Variants in AK4 observed in about 807,000 individuals in gnomAD.
AK4 encodes adenylate kinase 4.
A neutral mutation model predicts 24.6 loss-of-function variants in AK4; 13 were observed. The observed-to-expected ratio is 0.53, with a 90% CI of 0.34 to 0.84. The LOEUF (loss-of-function observed/expected upper bound fraction) is 0.84. AK4 is among the 40% of genes least tolerant of loss of function. The probability of loss-of-function intolerance (pLI) is 0.01; values close to 1 mark genes in which losing one functional copy is unlikely to be tolerated. For synonymous variants in AK4, 88 were observed against 107.0 expected, an observed-to-expected ratio of 0.82 and a Z score of 1.10; for missense variants, 192 against 288.2, an observed-to-expected ratio of 0.67 and a Z score of 2.42.
At chr1:65,198,060 A>G (rs764083012) in intron 2 of AK4, among the ~76,000 whole-genome samples, 3 of 152,128 alleles carry the variant, frequency 2.0e-5, no homozygotes, top group Non-Finnish European at 2.9e-5. Flanking sequence ...TCCTGTGTGT[A>G]TGTGTTTATG....
intron 1 of AK4, among the ~76,000 whole-genome samples, chr1:65,158,456 G>C (rs999562049): frequency 6.6e-6 from 1 of 152,152 alleles, no homozygotes; most frequent in Non-Finnish European, 1.5e-5. Context: ...TTTCACAATG[G>C]ACAATGAATC....
At chr1:65,161,676 T>G (rs1650169562) in intron 1 of AK4, among the ~76,000 whole-genome samples, 1 of 152,226 alleles carries the variant, frequency 6.6e-6, no homozygotes, top group African/African-American at 2.4e-5. Flanking sequence ...ATTTCAGTTA[T>G]TGTCTGTTGC....
At chr1:65,224,635 C>G in intron 3 of AK4, 117 bp from the exon 4 acceptor site, 1 of 742,264 alleles carries the variant, frequency 1.3e-6, no homozygotes, top group Non-Finnish European at 2.4e-6. Context: ...TCACCAAGGC[C>G]TAATTCATCA....
chr1:65,198,450 G>C (rs967067771), intron 2 of AK4, among the ~76,000 whole-genome samples: 6 of 152,180 alleles, frequency 3.9e-5, no homozygotes, highest in African/African-American at 1.4e-4. Flanking sequence ...TAAAGTGCAA[G>C]TATGACTAAC....
chr1:65,192,388 C>T (rs974702063), intron 2 of AK4, among the ~76,000 whole-genome samples: 2 of 152,188 alleles, frequency 1.3e-5, no homozygotes, highest in Non-Finnish European at 2.9e-5. Flanking sequence ...TTAACTCATT[C>T]ATGAGGGCAG....
intron 2 of AK4, among the ~76,000 whole-genome samples, chr1:65,206,195 A>G (rs2101064452): frequency 6.6e-6 from 1 of 152,308 alleles, no homozygotes; most frequent in African/African-American, 2.4e-5. Flanking sequence ...AGCACAGGTT[A>G]TATCCATTTT....
chr1:65,183,691 GTGTA>G lies in AK4; in HGVS notation c.146-7011_146-7008del, dbSNP rs1312332979. Among the ~76,000 whole-genome samples, 89 of 134,152 alleles carry G rather than the reference GTGTA, an allele frequency of 6.6e-4. No individual in the cohort carries two copies. The South Asian group carries it at 9.2e-3, about 14-fold the overall frequency. 88.0% of individuals were successfully genotyped at this position (134,152 alleles called of 152,430 possible). On this transcript the variant is annotated intron_variant, in intron 1 of 4. Transcript: ENST00000327299. ...TGTGTGTGTGTGTGTGTGTGTGTGTGTGTATGTATGTGTCTGTGTTCTCATGGTT... is the reference window on the plus strand; with the variant it reads ...TGTGTGTGTGTGTGTGTGTGTGTGTGTGTATGTGTCTGTGTTCTCATGGTT...
chr1:65,148,858 C>T (rs947883657), intron 1 of AK4: 5 of 263,354 alleles, frequency 1.9e-5, no homozygotes, highest in Non-Finnish European at 3.5e-5. Flanking sequence ...AAACCCGGAG[C>T]TTCCGTCTCA....
chr1:65,222,326 C>T lies in AK4; in HGVS notation c.439-2426C>T, dbSNP rs370525091. On this transcript the variant is annotated intron_variant, in intron 3 of 4. Transcript: ENST00000327299. ...TGCCAGCATTCCCCCGTGCAAGCTC[C>T]CAGCTTGCTTGTCTATGTCTGCAGC... Among the ~76,000 whole-genome samples, 103 of 152,298 alleles carry T rather than the reference C, an allele frequency of 6.8e-4. 3 individuals are homozygous for T. In the South Asian group the frequency reaches 0.021, roughly 31 times the overall value.
chr1:65,213,807 C>T (rs1018650879), intron 2 of AK4, among the ~76,000 whole-genome samples: 1 of 152,066 alleles, frequency 6.6e-6, no homozygotes, highest in African/African-American at 2.4e-5. Flanking sequence ...CAGATTGTGA[C>T]TATATTTAGA....
rs575307441 is a variant in AK4 at position 65,228,814 on chromosome 1, G to T, written c.*2637G>T. 2 of 151,270 alleles carry T rather than the reference G, an allele frequency of 1.3e-5. No individual in the cohort carries two copies. Among genetic ancestry groups the T allele is most frequent in the African/African-American group, 4.9e-5 (2 of 41,122 alleles). 9.4% of individuals were successfully genotyped at this position (151,270 alleles called of 1,614,324 possible). A position where few individuals can be genotyped will look rare whatever the true frequency, so the allele number is the denominator to read the frequency against. ...GTTTCTAAGATGCCAACCTGACCTC[G>T]CATTCTGTCATTCTACCCAGCTCTT... On this transcript the variant is annotated 3_prime_UTR_variant, in exon 5 of 5. Transcript: ENST00000327299.
At chr1:65,209,407 A>T (rs745306684) in intron 2 of AK4, among the ~76,000 whole-genome samples, 32 of 152,216 alleles carry the variant, frequency 2.1e-4, no homozygotes, top group Non-Finnish European at 3.7e-4. Flanking sequence ...GTAAATGTAA[A>T]AGCATACTTC....
At chr1:65,180,903 C>T (rs1650883220) in intron 1 of AK4, among the ~76,000 whole-genome samples, 1 of 152,142 alleles carries the variant, frequency 6.6e-6, no homozygotes, top group Non-Finnish European at 1.5e-5. Flanking sequence ...AGTTCTGTCC[C>T]ATACATGCAG....
intron 2 of AK4, among the ~76,000 whole-genome samples, chr1:65,197,269 G>T (rs182105744): frequency 6.6e-6 from 1 of 152,210 alleles, no homozygotes; most frequent in East Asian, 1.9e-4. Context: ...TAATCTAGAA[G>T]TTCCCCAAAT....
intron 2 of AK4, among the ~76,000 whole-genome samples, chr1:65,204,010 A>G (rs545058726): frequency 1.3e-5 from 2 of 152,146 alleles, no homozygotes; most frequent in South Asian, 2.1e-4. Context: ...CATGATCACT[A>G]TAAAACATCC....
At chr1:65,215,462 A>G (rs1652103527) in intron 2 of AK4, among the ~76,000 whole-genome samples, 1 of 152,152 alleles carries the variant, frequency 6.6e-6, no homozygotes, top group African/African-American at 2.4e-5. Context: ...GTGAGCCACC[A>G]TGTCCGACCC....
chr1:65,216,057 G>A (rs1040944648), intron 2 of AK4, among the ~76,000 whole-genome samples: 1 of 151,952 alleles, frequency 6.6e-6, no homozygotes, highest in African/African-American at 2.4e-5. Context: ...TCAGTGAGAA[G>A]GTTGAATTTA....
chr1:65,154,911 C>T lies in AK4; in HGVS notation c.145+6359C>T, dbSNP rs187208661. 8.0e-5 allele frequency among the ~76,000 whole-genome samples: 12 copies of T among 150,684 alleles called. 1 individual carries two copies. Among genetic ancestry groups the T allele is most frequent in the South Asian group, 2.1e-4 (1 of 4,772 alleles). On this transcript the variant is annotated intron_variant, in intron 1 of 4. Coordinates refer to ENST00000327299, the MANE Select transcript of AK4 (RefSeq NM_013410.4). ...TGTCATCCAGGCTGGAGTGCAGTGG[C>T]GCTATTTTGGCTCACTGCAACCTCT...
intron 1 of AK4, among the ~76,000 whole-genome samples, chr1:65,185,480 G>A (rs1038890476): frequency 3.9e-5 from 6 of 152,052 alleles, no homozygotes; most frequent in Non-Finnish European, 8.8e-5. Flanking sequence ...GTTCTTCCAG[G>A]TATACCAAAG....
Sources: allele counts gnomAD v4.1 joint callset (sites outside exome capture counted in the v4.1 genomes callset), GRCh38; gene constraint gnomAD v4.1.1; transcripts MANE v1.5; gene names NCBI Gene and HGNC (gene_info 2026-07-23, HGNC 2026-07-21).